The following SGPP2 variants were observed in gnomAD, a reference collection of about 807,000 sequenced individuals.
The protein encoded by SGPP2 is sphingosine-1-phosphate phosphatase 2.
Under a neutral mutation model 33.9 loss-of-function variants are expected in SGPP2, and 30 were observed. That is an observed-to-expected ratio of 0.89 (90% CI 0.66 to 1.20). SGPP2 has a LOEUF of 1.20. Ranked by LOEUF, SGPP2 falls within the 50% of genes most tolerant of loss-of-function variation. The pLI is 0.00. For missense variants in SGPP2, 458 were observed against 532.1 expected (o/e 0.86, Z 1.37); for synonymous variants, 233 against 225.0 (o/e 1.04, Z -0.32).
intron 1 of SGPP2, among the ~76,000 whole-genome samples, chr2:222,464,301 T>C (rs1299268382): frequency 6.6e-6 from 1 of 152,246 alleles, no homozygotes; most frequent in Non-Finnish European, 1.5e-5. Context: ...TTTGTATCGA[T>C]GCCAATGTCT....
chr2:222,522,074 GA>G lies in SGPP2; in HGVS notation c.558+131del, dbSNP rs1386078168. 4.3e-5 allele frequency: 35 copies of G among 805,940 alleles called. 1 individual carries two copies. The African/African-American group carries it at 5.5e-4, about 13-fold the overall frequency. The allele number at this position is 805,940 out of a possible 1,614,324, so 49.9% of individuals were successfully genotyped here. ...TATGAAATAAAGATTAAGAGAAACT[GA>G]AACCTATTAAACAGATGACAATTGC... On this transcript the variant is annotated intron_variant, in intron 3 of 4. Transcript: ENST00000321276.
At chr2:222,453,243 A>T (rs1697519687) in intron 1 of SGPP2, 1 of 765,322 alleles carries the variant, frequency 1.3e-6, no homozygotes, top group Admixed American at 1.7e-5. Flanking sequence ...GATTCTTTAC[A>T]ATCAGATGCT....
In SGPP2 at chr2:222,442,134, T is replaced by C. The variant is rs184627586; in HGVS notation, c.219+17313T>C. Among the ~76,000 whole-genome samples the C allele has an allele frequency of 3.6e-3, 550 of 152,358 alleles. 3 individuals carry two copies. The highest frequency in any genetic ancestry group is 0.018 in the South Asian group (88 of 4,826). ...CCTTCCTTGGGCAAAAATATATTCTTAAAGAACTCAGGAACATCTTAAGAG... is the reference window on the plus strand; with the variant it reads ...CCTTCCTTGGGCAAAAATATATTCTCAAAGAACTCAGGAACATCTTAAGAG... On this transcript the variant is annotated intron_variant, in intron 1 of 4. Transcript: ENST00000321276.
In SGPP2 at chr2:222,526,778, C is replaced by T. The variant is rs888436530; in HGVS notation, c.648+1745C>T. Among the ~76,000 whole-genome samples the T allele has an allele frequency of 6.6e-5, 10 of 152,302 alleles. No individual in the cohort carries two copies. The South Asian group carries it at 1.7e-3, about 25-fold the overall frequency. ...TAACACGGGAACAGAAAACCTAACA[C>T]CACATGTTCTCACTCATAAATGGGA... is the stretch of plus-strand genomic sequence containing the variant. On this transcript the variant is annotated intron_variant, in intron 4 of 4. Transcript: ENST00000321276.
intron 1 of SGPP2, among the ~76,000 whole-genome samples, chr2:222,428,801 T>C (rs1348486951): frequency 1.4e-5 from 2 of 144,000 alleles, no homozygotes; most frequent in Non-Finnish European, 3.0e-5. Context: ...TTTTTTTTTT[T>C]TTTTTTTTGA....
chr2:222,433,076 G>A (rs1038536207), intron 1 of SGPP2, among the ~76,000 whole-genome samples: 6 of 68,144 alleles, frequency 8.8e-5, no homozygotes, highest in African/African-American at 3.1e-4. Flanking sequence ...GAGAGAAGGA[G>A]GGGAGACGAG....
intron 1 of SGPP2, among the ~76,000 whole-genome samples, chr2:222,454,744 A>C (rs1286641190): frequency 2.6e-5 from 4 of 152,136 alleles, no homozygotes; most frequent in African/African-American, 4.8e-5. Context: ...AAAAAAAAAA[A>C]AAAAAACAGG....
intron 4 of SGPP2, 59 bp from the exon 5 acceptor site, chr2:222,558,288 T>C: frequency 1.9e-6 from 3 of 1,541,722 alleles, no homozygotes; most frequent in Non-Finnish European, 1.8e-6. Context: ...ATTCAAATTA[T>C]ACCTGTATAC....
At chr2:222,445,105 T>C (rs1024461906) in intron 1 of SGPP2, among the ~76,000 whole-genome samples, 1 of 152,142 alleles carries the variant, frequency 6.6e-6, no homozygotes, top group Admixed American at 6.5e-5. Flanking sequence ...GGAGCCCCCA[T>C]GGGTAATGAT....
intron 2 of SGPP2, among the ~76,000 whole-genome samples, chr2:222,494,243 AGG>A: frequency 6.6e-6 from 1 of 152,228 alleles, no homozygotes; most frequent in Non-Finnish European, 1.5e-5. Context: ...AGATTTTCAA[AGG>A]ATCCCAGCTG....
intron 2 of SGPP2, among the ~76,000 whole-genome samples, chr2:222,483,888 A>G (rs746728928): frequency 3.9e-5 from 6 of 152,218 alleles, no homozygotes; most frequent in Non-Finnish European, 8.8e-5. Flanking sequence ...CTTGAGATTA[A>G]TGAGTCTTTA....
intron 1 of SGPP2, among the ~76,000 whole-genome samples, chr2:222,426,209 C>CAAAAAA (rs59881994): frequency 5.1e-5 from 3 of 58,716 alleles, no homozygotes; most frequent in East Asian, 6.7e-4. Context: ...GACTCCGTCT[C>CAAAAAA]AAAAAAAAAA....
At chr2:222,446,064 G>A (rs1697394154) in intron 1 of SGPP2, among the ~76,000 whole-genome samples, 1 of 152,178 alleles carries the variant, frequency 6.6e-6, no homozygotes. Flanking sequence ...ATAAAGTCAT[G>A]GGTCTACTCA....
chr2:222,526,394 G>A (rs994137149), intron 4 of SGPP2, among the ~76,000 whole-genome samples: 25 of 152,192 alleles, frequency 1.6e-4, no homozygotes, highest in Non-Finnish European at 8.8e-5. Flanking sequence ...CCCAAGGCAC[G>A]TCCTTGCTGT....
chr2:222,430,022 A>G (rs1559141251), intron 1 of SGPP2, among the ~76,000 whole-genome samples: 1 of 152,204 alleles, frequency 6.6e-6, no homozygotes, highest in Non-Finnish European at 1.5e-5. Flanking sequence ...AGACTTAGAG[A>G]CATAAAGATC....
rs543918353 is a variant in SGPP2, at chr2:222,459,107, A to C, written c.220-15461A>C. On this transcript the variant is annotated intron_variant, in intron 1 of 4. Transcript: ENST00000321276. ...TCAAGGAGTGCTGCTGCTTGTCTAAAAAAGACACACTTTTTTTTCTTTCTT... is the reference window on the plus strand; with the variant it reads ...TCAAGGAGTGCTGCTGCTTGTCTAACAAAGACACACTTTTTTTTCTTTCTT... 0.029 allele frequency among the ~76,000 whole-genome samples: 249 copies of C among 8,578 alleles called. 2 individuals are homozygous for C. The Middle Eastern group carries it at 0.62, about 22-fold the overall frequency. 5.6% of individuals were successfully genotyped at this position (8,578 alleles called of 152,430 possible).
At chr2:222,447,936 C>G (rs1008946893) in intron 1 of SGPP2, among the ~76,000 whole-genome samples, 4 of 152,094 alleles carry the variant, frequency 2.6e-5, no homozygotes, top group African/African-American at 9.7e-5. Flanking sequence ...CATAGCTAAA[C>G]AAGGGGATAG....
intron 2 of SGPP2, among the ~76,000 whole-genome samples, chr2:222,481,669 T>C (rs1287325263): frequency 1.3e-5 from 2 of 152,190 alleles, no homozygotes; most frequent in Non-Finnish European, 2.9e-5. Context: ...TTACAGGCCA[T>C]TTAATGTGGG....
chr2:222,470,565 T>A (rs903756222), intron 1 of SGPP2, among the ~76,000 whole-genome samples: 8 of 152,232 alleles, frequency 5.3e-5, no homozygotes, highest in Non-Finnish European at 5.9e-5. Flanking sequence ...GTTAGTGATA[T>A]GTAGCACTAA....
Sources: gnomAD v4.1 joint callset for allele counts (sites outside exome capture counted in the v4.1 genomes callset) on GRCh38, gnomAD v4.1.1 for gene constraint, MANE v1.5 for transcripts, NCBI Gene and HGNC (gene_info 2026-07-23, HGNC 2026-07-21) for gene names.